The following LRCH3 variants were observed in gnomAD, a reference collection of about 807,000 sequenced individuals.
LRCH3 encodes the protein leucine rich repeats and calponin homology domain containing 3, also known as DISP complex protein LRCH3.
A neutral mutation model predicts 104.5 loss-of-function variants in LRCH3; 68 were observed. The observed-to-expected ratio is 0.65, with a 90% CI of 0.54 to 0.80. The LOEUF is 0.80. LRCH3 is among the 30% of genes least tolerant of loss of function. LRCH3 has a pLI of 0.00. For missense variants in LRCH3, 951 were observed against 953.9 expected, an observed-to-expected ratio of 1.00 and a Z score of 0.04; for synonymous variants, 344 against 361.3, an observed-to-expected ratio of 0.95 and a Z score of 0.54.
chr3:197,863,718 G>T (rs991925380), intron 15 of LRCH3, among the ~76,000 whole-genome samples: 1 of 151,908 alleles, frequency 6.6e-6, no homozygotes, highest in Non-Finnish European at 1.5e-5. Flanking sequence ...CAGTTCTTTT[G>T]GTCAATGAAT....
At chr3:197,840,311 G>A (rs951435968) in intron 10 of LRCH3, among the ~76,000 whole-genome samples, 4 of 152,068 alleles carry the variant, frequency 2.6e-5, no homozygotes, top group African/African-American at 7.2e-5. Context: ...GGTGGCACAC[G>A]CCTGTAATTC....
chr3:197,846,395 A>AAAC (rs1738707508), intron 10 of LRCH3, among the ~76,000 whole-genome samples: 1 of 149,554 alleles, frequency 6.7e-6, no homozygotes, highest in Admixed American at 6.6e-5. Context: ...CAAAAAAAAA[A>AAAC]AAAAACAAAA....
chr3:197,795,330 G>A (rs374340731), intron 1 of LRCH3, among the ~76,000 whole-genome samples: 1 of 152,090 alleles, frequency 6.6e-6, no homozygotes, highest in East Asian at 1.9e-4. Context: ...CCTGGCATAG[G>A]GTATGCCAGT....
intron 5 of LRCH3, among the ~76,000 whole-genome samples, chr3:197,828,927 T>G (rs1735575685): frequency 6.6e-6 from 1 of 151,930 alleles, no homozygotes; most frequent in African/African-American, 2.4e-5. Context: ...CAGGCTGGTC[T>G]TGAACTCCTG....
At chr3:197,818,050 T>C (rs1734055990) in intron 3 of LRCH3, among the ~76,000 whole-genome samples, 1 of 152,178 alleles carries the variant, frequency 6.6e-6, no homozygotes, top group African/African-American at 2.4e-5. Context: ...CTTGATCTCC[T>C]GACCTTGTGA....
intron 8 of LRCH3, 56 bp from the exon 9 acceptor site, chr3:197,835,618 T>G: frequency 7.1e-7 from 1 of 1,409,980 alleles, no homozygotes; most frequent in Non-Finnish European, 9.4e-7. Flanking sequence ...GCTATCTAAT[T>G]TGAATGTTTT....
intron 1 of LRCH3, among the ~76,000 whole-genome samples, chr3:197,800,865 G>A (rs1560519955): frequency 1.3e-5 from 2 of 152,152 alleles, no homozygotes; most frequent in Admixed American, 6.5e-5. Context: ...GGAGTTTAAG[G>A]TGGGTGGATC....
Position 197,835,595 on chromosome 3 carries a change from ATG to A in LRCH3, c.1103-77_1103-76del, listed in dbSNP as rs1396276471. 3 of 1,356,614 alleles carry A rather than the reference ATG, an allele frequency of 2.2e-6. No individual in the cohort carries two copies. The Admixed American group carries it at 8.6e-5, about 39-fold the overall frequency. The allele number at this position is 1,356,614 out of a possible 1,614,324, so 84.0% of individuals were successfully genotyped here. A position where few individuals can be genotyped will look rare whatever the true frequency, so the allele number is the denominator to read the frequency against. On this transcript the variant is annotated intron_variant, in intron 8 of 20. Coordinates refer to ENST00000425562, the MANE Select transcript of LRCH3 (RefSeq NM_001365715.1). ...ATCATGGGGAAAAGGAAATAAGTAAATGTCTTTTATTGGCTATCTAATTTGAA... is the reference window on the plus strand; with the variant it reads ...ATCATGGGGAAAAGGAAATAAGTAAATCTTTTATTGGCTATCTAATTTGAA...
At position 197,810,303 on chromosome 3, in the gene LRCH3, C is replaced by T. The variant is rs866161246; in HGVS notation, c.263-4605C>T. Among the ~76,000 whole-genome samples, 138 of 152,118 alleles carry T rather than the reference C, an allele frequency of 9.1e-4. No homozygotes were observed. The highest frequency in any genetic ancestry group is 3.2e-3 in the African/African-American group (133 of 41,426). On this transcript the variant is annotated intron_variant, in intron 1 of 20. Coordinates refer to ENST00000425562, the MANE Select transcript of LRCH3 (RefSeq NM_001365715.1). The surrounding 1 kb of genome is among the most constrained non-coding windows in gnomAD (Gnocchi z 4.0). ...TCCTGAGTAGCTGAGATTACAGGTGCTCACGACCATGCCCAGCTTATTTTT... is the reference window on the plus strand; with the variant it reads ...TCCTGAGTAGCTGAGATTACAGGTGTTCACGACCATGCCCAGCTTATTTTT...
intron 20 of LRCH3, among the ~76,000 whole-genome samples, chr3:197,880,111 A>G (rs1409616965): frequency 2.0e-5 from 3 of 150,488 alleles, no homozygotes; most frequent in Non-Finnish European, 4.4e-5. Context: ...ACGCCCGGCT[A>G]ATTTTTTGTA....
rs185797487 is a variant in LRCH3 at position 197,828,327 on chromosome 3, A to G, written c.778-1237A>G. ...ACCTAGAAATTTTTGCCAACTCATTATTTTCCCTCAGCTCTTTTATTTTTT... is the reference window on the plus strand; with the variant it reads ...ACCTAGAAATTTTTGCCAACTCATTGTTTTCCCTCAGCTCTTTTATTTTTT... On this transcript the variant is annotated intron_variant, in intron 5 of 20. Transcript: ENST00000425562. 2.4e-3 allele frequency among the ~76,000 whole-genome samples: 364 copies of G among 151,484 alleles called. 2 individuals are homozygous for G. Among genetic ancestry groups the G allele is most frequent in the African/African-American group, 8.1e-3 (335 of 41,318 alleles).
At chr3:197,811,643 T>G (rs1235400952) in intron 1 of LRCH3, among the ~76,000 whole-genome samples, 1 of 152,224 alleles carries the variant, frequency 6.6e-6, no homozygotes, top group East Asian at 1.9e-4. Context: ...GTGTTTGGAC[T>G]GGAATGAACC....
intron 3 of LRCH3, among the ~76,000 whole-genome samples, 176 bp downstream of exon 3, chr3:197,817,478 T>C (rs1172517065): frequency 6.6e-6 from 1 of 150,386 alleles, no homozygotes; most frequent in Non-Finnish European, 1.5e-5. Flanking sequence ...TTTCCAGTAT[T>C]GGTAATGAAT....
Position 197,883,271 on chromosome 3 carries a change from C to T in LRCH3, c.2209-270C>T. On this transcript the variant is annotated intron_variant, in intron 20 of 20. Transcript: ENST00000425562. This position sits in a 1 kb window ranked among gnomAD's most constrained non-coding sequence, Gnocchi z 4.2. ...TTCACCCTGCGGTATTGTTTTCCCT[C>T]TGTTGTATGTATAGATATATGCTAC... 8.7e-7 allele frequency: 1 copy of T among 1,147,952 alleles called. No homozygotes were observed. Among genetic ancestry groups the T allele is most frequent in the Non-Finnish European group, 1.1e-6 (1 of 931,454 alleles). The allele number at this position is 1,147,952 out of a possible 1,614,324, so 71.1% of individuals were successfully genotyped here. A position where few individuals can be genotyped will look rare whatever the true frequency, so the allele number is the denominator to read the frequency against.
At chr3:197,828,703 C>CTTTTTT (rs752665561) in intron 5 of LRCH3, among the ~76,000 whole-genome samples, 1 of 112,828 alleles carries the variant, frequency 8.9e-6, no homozygotes, top group Non-Finnish European at 1.8e-5. Context: ...ATATGTTACT[C>CTTTTTT]TTTTTTTTTT....
Position 197,829,673 on chromosome 3 carries a change from G to A in LRCH3, c.887G>A (p.Cys296Tyr), listed in dbSNP as rs769961759. ...AGGAGACCGTTGGGTTTTGGCTCCTGGTAAGTATATTCTGTCCCTTTATCT... is the reference window on the plus strand; with the variant it reads ...AGGAGACCGTTGGGTTTTGGCTCCTAGTAAGTATATTCTGTCCCTTTATCT... ...YDRRPLGFGS[C>Y]HEELYSSRPY... The change falls in exon 6 of 21, where the codon TGC (cysteine) becomes TAC (tyrosine). Residue 296 changes from cysteine (C) to tyrosine (Y), a missense_variant and splice_region_variant. Coordinates refer to ENST00000425562, the MANE Select transcript of LRCH3 (RefSeq NM_001365715.1). 1 of 1,592,852 alleles carries A rather than the reference G, an allele frequency of 6.3e-7. No individual in the cohort carries two copies. The highest frequency in any genetic ancestry group is 8.6e-7 in the Non-Finnish European group (1 of 1,164,510).
intron 1 of LRCH3, among the ~76,000 whole-genome samples, chr3:197,802,724 TG>T (rs1732038513): frequency 6.6e-6 from 1 of 152,238 alleles, no homozygotes; most frequent in South Asian, 2.1e-4. Context: ...GGAGGTTCTA[TG>T]TTCCTAGGAA....
chr3:197,814,946 G>T lies in LRCH3; in HGVS notation c.301G>T (p.Ala101Ser). Residue 101 changes from alanine to serine, a missense_variant, in exon 2 of 21, where the codon GCA (alanine) becomes TCA (serine). Coordinates refer to ENST00000425562, the MANE Select transcript of LRCH3 (RefSeq NM_001365715.1). ...RNRLSEIPIE[A>S]CHFVSLENLN... ...TCGCCTTTCAGAAATTCCTATAGAA[G>T]CATGTCACTTTGTTTCTCTGGAAAA... The T allele has an allele frequency of 6.2e-7, 1 of 1,600,514 alleles. No individual in the cohort carries two copies. Among genetic ancestry groups the T allele is most frequent in the Non-Finnish European group, 8.5e-7 (1 of 1,175,264 alleles).
chr3:197,846,924 T>TA (rs1269139075), intron 10 of LRCH3, among the ~76,000 whole-genome samples: 8 of 151,714 alleles, frequency 5.3e-5, no homozygotes, highest in Non-Finnish European at 8.8e-5. Context: ...TTCTTAAAAA[T>TA]AAAAAAACCA....
Sources: gnomAD v4.1 joint callset for allele counts (sites outside exome capture counted in the v4.1 genomes callset) on GRCh38, gnomAD v4.1.1 for gene constraint, Gnocchi (gnomAD v3.1) non-coding constraint, MANE v1.5 for transcripts, NCBI Gene and HGNC (gene_info 2026-07-23, HGNC 2026-07-21) for gene names.